Variants in KLHDC4 observed in about 807,000 individuals in gnomAD.
The protein encoded by KLHDC4 is kelch domain containing 4, also known as kelch domain-containing protein 4.
A neutral mutation model predicts 62.4 loss-of-function variants in KLHDC4; 90 were observed. The observed-to-expected ratio is 1.44, with a 90% CI of 1.22 to 1.72. KLHDC4 has a LOEUF of 1.72. Ranked by LOEUF, KLHDC4 falls within the 40% of genes most tolerant of loss-of-function variation. The probability of loss-of-function intolerance (pLI) is 0.00; values close to 1 mark genes in which losing one functional copy is unlikely to be tolerated. For synonymous variants in KLHDC4, 386 were observed against 284.4 expected (o/e 1.36, Z -3.59); for missense variants, 1,025 against 699.7 (o/e 1.47, Z -5.25).
At chr16:87,723,513 C>T (rs1010476851) in intron 7 of KLHDC4, among the ~76,000 whole-genome samples, 4 of 152,270 alleles carry the variant, frequency 2.6e-5, no homozygotes, top group African/African-American at 4.8e-5. Context: ...CCGGGGCATC[C>T]TGCCTGGCTT....
intron 1 of KLHDC4, chr16:87,765,205 G>A (rs1178669947): frequency 2.2e-6 from 1 of 455,918 alleles, no homozygotes. Flanking sequence ...GCAGACCCCG[G>A]GCTGAGGACC....
chr16:87,724,835 A>C (rs531431645), intron 7 of KLHDC4, among the ~76,000 whole-genome samples: 1 of 152,238 alleles, frequency 6.6e-6, no homozygotes, highest in African/African-American at 2.4e-5. Flanking sequence ...CCAGATATCT[A>C]TTTACCCAAG....
intron 2 of KLHDC4, among the ~76,000 whole-genome samples, chr16:87,761,677 T>A (rs909809919): frequency 2.6e-5 from 4 of 152,126 alleles, no homozygotes; most frequent in African/African-American, 9.7e-5. Context: ...GGCAAAACTT[T>A]CATCCCCACG....
intron 4 of KLHDC4, among the ~76,000 whole-genome samples, chr16:87,753,287 G>A (rs537778090): frequency 1.3e-5 from 2 of 152,342 alleles, no homozygotes; most frequent in African/African-American, 4.8e-5. Context: ...TTCTGATGCT[G>A]AGAACTATCA....
chr16:87,734,671 C>T (rs1022222702), intron 5 of KLHDC4, among the ~76,000 whole-genome samples: 3 of 152,182 alleles, frequency 2.0e-5, no homozygotes, highest in Non-Finnish European at 4.4e-5. Context: ...TAATCCAACC[C>T]GGAGTTGGCA....
rs151030799 is a variant in KLHDC4 at position 87,759,752 on chromosome 16, TAA to T, written c.191+2195_191+2196del. On this transcript the variant is annotated intron_variant, in intron 2 of 11. Transcript: ENST00000270583. ...CTACACTCCGTCTCAGAAAAAAAAA[TAA>T]AGAGTGTTTCCCAAATTCCTCTGAC... 2.3e-3 allele frequency among the ~76,000 whole-genome samples: 344 copies of T among 152,034 alleles called. 2 individuals are homozygous for T. The highest frequency in any genetic ancestry group is 8.0e-3 in the African/African-American group (332 of 41,462).
rs111347066 is a variant in KLHDC4 at position 87,732,165 on chromosome 16, G to A, written c.507-1521C>T. ...GGCCGGAGTGCAGTGGTGCAATCTCGGCTCCCTGCAACCTCCGCCTCCAGG... is the reference window on the plus strand; with the variant it reads ...GGCCGGAGTGCAGTGGTGCAATCTCAGCTCCCTGCAACCTCCGCCTCCAGG... On this transcript the variant is annotated intron_variant, in intron 5 of 11. Transcript: ENST00000270583. Among the ~76,000 whole-genome samples, 504 of 148,970 alleles carry A rather than the reference G, an allele frequency of 3.4e-3. 4 individuals carry two copies. Among genetic ancestry groups the A allele is most frequent in the African/African-American group, 0.011 (457 of 40,324 alleles).
At chr16:87,765,430 G>C in intron 1 of KLHDC4, 1 of 494,672 alleles carries the variant, frequency 2.0e-6, no homozygotes, top group South Asian at 1.5e-5. Flanking sequence ...TCAACCTCAG[G>C]TCTTCCTGTG....
intron 4 of KLHDC4, among the ~76,000 whole-genome samples, chr16:87,754,293 C>A (rs2044509090): frequency 6.6e-6 from 1 of 151,820 alleles, no homozygotes. Context: ...TTGCAATGAG[C>A]CGAAATCAGG....
At position 87,709,589 on chromosome 16, in the gene KLHDC4, C is replaced by T; in HGVS notation, c.1123G>A (p.Gly375Arg). 1 of 1,612,848 alleles carries T rather than the reference C, an allele frequency of 6.2e-7. No homozygotes were observed. Among genetic ancestry groups the T allele is most frequent in the Non-Finnish European group, 8.5e-7 (1 of 1,179,794 alleles). The change falls in exon 10 of 12, where the codon GGA becomes AGA. Residue 375 changes from glycine to arginine, a missense_variant. Physicochemically the swap from Gly to Arg is moderately radical, Grantham distance 125. Coordinates refer to ENST00000270583, the MANE Select transcript of KLHDC4 (RefSeq NM_017566.4). ...PEGGSRPACG[G>R]AGTQGPVQLV... ...TGCACAGGCCCCTGGGTGCCAGCTCCCCCACACGCCGGCCTGCTACCACCT... is the reference window on the plus strand; with the variant it reads ...TGCACAGGCCCCTGGGTGCCAGCTCTCCCACACGCCGGCCTGCTACCACCT...
rs1432168968 is a variant in KLHDC4 at position 87,709,201 on chromosome 16, G to A, written c.1447+64C>T. The A allele has an allele frequency of 5.2e-6, 8 of 1,545,964 alleles. No homozygotes were observed. The African/African-American group carries it at 9.5e-5, about 18-fold the overall frequency. Reference sequence around the variant, plus strand: ...GCAGCTTGCAGGGCTTGCTTTCGAGGGACGCGACACACGACCGTGGGCTCT... The same window carrying A: ...GCAGCTTGCAGGGCTTGCTTTCGAGAGACGCGACACACGACCGTGGGCTCT... On this transcript the variant is annotated intron_variant, in intron 10 of 11. Coordinates refer to ENST00000270583, the MANE Select transcript of KLHDC4 (RefSeq NM_017566.4).
At chr16:87,748,570 CCTCTGAACCCTGGT>C in intron 5 of KLHDC4, 89 bp downstream of exon 5, 1 of 1,449,594 alleles carries the variant, frequency 6.9e-7, no homozygotes, top group Non-Finnish European at 9.4e-7. Context: ...GACCCAAGTT[CCTCTGAACCCTGGT>C]ATTCTGAGGT....
chr16:87,729,130 A>G (rs1448740677), intron 6 of KLHDC4, among the ~76,000 whole-genome samples: 1 of 152,152 alleles, frequency 6.6e-6, no homozygotes, highest in Non-Finnish European at 1.5e-5. Flanking sequence ...CTTGAAAAGT[A>G]TTTAAGAATT....
In KLHDC4 at chr16:87,765,846, C is replaced by T; in HGVS notation, c.45G>A (p.Glu15=). The T allele has an allele frequency of 6.4e-7, 1 of 1,555,382 alleles. No individual in the cohort carries two copies. The change falls in exon 1 of 12, where the codon GAG becomes GAA. Residue 15 remains glutamate, a synonymous_variant. Coordinates refer to ENST00000270583, the MANE Select transcript of KLHDC4 (RefSeq NM_017566.4). ...TCTTCTCCATCTTGGCGGCCGTCTT[C>T]TCCGCGCCGCGGCCCTTCTTCTCCT... ...GKKEKKGRGA[E]KTAAKMEKKV...
chr16:87,727,529 C>T (rs983627469), intron 6 of KLHDC4, among the ~76,000 whole-genome samples: 1 of 152,100 alleles, frequency 6.6e-6, no homozygotes, highest in African/African-American at 2.4e-5. Context: ...CCTCTGTGCC[C>T]GAAATCACAG....
chr16:87,717,090 G>A (rs140654224), intron 7 of KLHDC4, among the ~76,000 whole-genome samples: 1 of 152,274 alleles, frequency 6.6e-6, no homozygotes, highest in East Asian at 1.9e-4. Context: ...AATCAGCCAG[G>A]CATGGTGGCA....
chr16:87,730,569 G>T lies in KLHDC4; in HGVS notation c.582C>A (p.Gly194=), dbSNP rs538331034. The stretch of plus-strand genomic sequence containing the variant: ...GTACCAACCGTGTACTTTCATGGAA[G>T]CCACCAAACAGGATCAATTGTCTCT... ...AWKRQLILFG[G]FHESTRDYIY... Residue 194 remains glycine, a synonymous_variant, in exon 6 of 12, where the codon GGC becomes GGA. Coordinates refer to ENST00000270583, the MANE Select transcript of KLHDC4 (RefSeq NM_017566.4). 9.9e-6 allele frequency: 16 copies of T among 1,612,182 alleles called. No homozygotes were observed. Among genetic ancestry groups the T allele is most frequent in the South Asian group, 2.2e-5 (2 of 90,532 alleles).
chr16:87,750,045 C>A (rs1313965585), intron 4 of KLHDC4, among the ~76,000 whole-genome samples: 2 of 152,160 alleles, frequency 1.3e-5, no homozygotes, highest in African/African-American at 4.8e-5. Context: ...CCTGACGGGT[C>A]ATCAGACACC....
intron 1 of KLHDC4, 152 bp from the exon 2 acceptor site, chr16:87,762,192 T>G: frequency 7.0e-7 from 1 of 1,438,126 alleles, no homozygotes; most frequent in Non-Finnish European, 9.1e-7. Context: ...AATGCAGAGT[T>G]TGACACATTC....
Sources: gnomAD v4.1 joint callset for allele counts (sites outside exome capture counted in the v4.1 genomes callset) on GRCh38, gnomAD v4.1.1 for gene constraint, MANE v1.5 for transcripts, NCBI Gene and HGNC (gene_info 2026-07-23, HGNC 2026-07-21) for gene names.